Variants in DOK6 observed in about 807,000 individuals in gnomAD.
The protein encoded by DOK6 is docking protein 6, also known as downstream of tyrosine kinase 6.
A neutral mutation model predicts 44.0 loss-of-function variants in DOK6; 22 were observed. That is an observed-to-expected ratio of 0.50 (90% CI 0.36 to 0.71). The LOEUF is 0.71. Ranked by LOEUF, DOK6 falls within the 30% of genes least tolerant of loss-of-function variation. The pLI, the probability that DOK6 is intolerant of heterozygous loss-of-function variation, is 0.00. For synonymous variants in DOK6, 166 were observed against 145.5 expected (o/e 1.14, Z -1.01); for missense variants, 340 against 416.4 (o/e 0.82, Z 1.60).
chr18:69,402,217 G>A (rs1916116276), intron 1 of DOK6, among the ~76,000 whole-genome samples: 2 of 152,184 alleles, frequency 1.3e-5, no homozygotes, highest in South Asian at 4.2e-4. Context: ...AGAAAAGCGA[G>A]GGGAAACTCG....
At chr18:69,653,209 A>C (rs2144664677) in intron 3 of DOK6, among the ~76,000 whole-genome samples, 1 of 152,230 alleles carries the variant, frequency 6.6e-6, no homozygotes, top group African/African-American at 2.4e-5. Context: ...AGCGTTTGCC[A>C]ATTCGTAAGT....
chr18:69,688,747 C>A (rs184120690), intron 4 of DOK6, among the ~76,000 whole-genome samples: 2 of 152,308 alleles, frequency 1.3e-5, no homozygotes, highest in African/African-American at 4.8e-5. Flanking sequence ...GTCTCGAACT[C>A]TTGACCTCAA....
At chr18:69,509,887 G>A (rs138713358) in intron 1 of DOK6, among the ~76,000 whole-genome samples, 387 of 152,286 alleles carry the variant, frequency 2.5e-3, no homozygotes, top group African/African-American at 9.0e-3. Context: ...TTATGCAAGA[G>A]CAAATGGATG....
At chr18:69,804,900 C>T (rs1366212043) in intron 7 of DOK6, among the ~76,000 whole-genome samples, 9 of 152,136 alleles carry the variant, frequency 5.9e-5, no homozygotes, top group South Asian at 2.1e-4. Flanking sequence ...ACTTTGGTGA[C>T]GAGTATCTAC....
At chr18:69,811,833 G>C (rs1397237770) in intron 7 of DOK6, among the ~76,000 whole-genome samples, 2 of 151,840 alleles carry the variant, frequency 1.3e-5, no homozygotes, top group Non-Finnish European at 2.9e-5. Context: ...AGGAACCTCA[G>C]ATCTCCTGAT....
intron 7 of DOK6, among the ~76,000 whole-genome samples, chr18:69,764,906 G>A (rs535178662): frequency 8.5e-5 from 13 of 152,212 alleles, no homozygotes; most frequent in South Asian, 4.1e-4. Flanking sequence ...CTGTATATCT[G>A]TAATTAAGCT....
intron 7 of DOK6, among the ~76,000 whole-genome samples, chr18:69,800,216 T>C (rs893546342): frequency 6.6e-6 from 1 of 152,142 alleles, no homozygotes; most frequent in Non-Finnish European, 1.5e-5. Flanking sequence ...ATTTTAATAT[T>C]TTCCTTTAGA....
intron 1 of DOK6, among the ~76,000 whole-genome samples, chr18:69,406,723 G>A (rs1343250712): frequency 6.6e-6 from 1 of 152,190 alleles, no homozygotes; most frequent in African/African-American, 2.4e-5. Context: ...TTCCTTAAAT[G>A]TCTTTCAAAC....
At chr18:69,601,728 C>A (rs1983877541) in intron 3 of DOK6, among the ~76,000 whole-genome samples, 1 of 152,148 alleles carries the variant, frequency 6.6e-6, no homozygotes, top group African/African-American at 2.4e-5. Context: ...CCAAGTACAC[C>A]TAGCATCCAG....
intron 1 of DOK6, among the ~76,000 whole-genome samples, chr18:69,401,881 C>T (rs1436102941): frequency 1.3e-5 from 2 of 152,134 alleles, no homozygotes; most frequent in Non-Finnish European, 2.9e-5. Flanking sequence ...CCCGCGCCCG[C>T]GTGCAGGCAG....
chr18:69,589,601 A>G (rs1465128524), intron 2 of DOK6, among the ~76,000 whole-genome samples: 4 of 152,160 alleles, frequency 2.6e-5, no homozygotes, highest in African/African-American at 9.6e-5. Flanking sequence ...AAAGCTAATA[A>G]TTATAGTAAA....
rs532323047 is a variant in DOK6, at chr18:69,722,087, A to G, written c.600-16878A>G. On this transcript the variant is annotated intron_variant, in intron 5 of 7. Coordinates refer to ENST00000382713, the MANE Select transcript of DOK6 (RefSeq NM_152721.6). ...GTGGTGTTATTTCCAACCTCTTTTC[A>G]ATGGAAATCTTAATTCCATATTATA... Among the ~76,000 whole-genome samples, 43 of 152,350 alleles carry G rather than the reference A, an allele frequency of 2.8e-4. 1 individual carries two copies. Among genetic ancestry groups the G allele is most frequent in the African/African-American group, 8.4e-4 (35 of 41,580 alleles).
At chr18:69,441,424 C>T (rs899350640) in intron 1 of DOK6, among the ~76,000 whole-genome samples, 8 of 152,050 alleles carry the variant, frequency 5.3e-5, no homozygotes, top group African/African-American at 1.9e-4. Flanking sequence ...CATTAGGAGA[C>T]TAGAGAAGAT....
intron 1 of DOK6, among the ~76,000 whole-genome samples, chr18:69,545,516 CAAAAA>C (rs397760145): frequency 2.9e-5 from 2 of 69,578 alleles, no homozygotes; most frequent in Non-Finnish European, 7.2e-5. Flanking sequence ...AGTGAAATAC[CAAAAA>C]AAAAAAAAAA....
intron 5 of DOK6, among the ~76,000 whole-genome samples, chr18:69,738,634 T>C (rs933556925): frequency 1.3e-5 from 2 of 152,254 alleles, no homozygotes; most frequent in Non-Finnish European, 2.9e-5. Flanking sequence ...GTCTATGTCA[T>C]AATGGCAGAT....
intron 1 of DOK6, among the ~76,000 whole-genome samples, chr18:69,414,893 A>C (rs1978322063): frequency 6.6e-6 from 1 of 152,146 alleles, no homozygotes; most frequent in East Asian, 1.9e-4. Flanking sequence ...GGGCACAATT[A>C]TAGTGGAAGT....
At chr18:69,647,058 C>CGTAT (rs1555719737) in intron 3 of DOK6, among the ~76,000 whole-genome samples, 6 of 126,364 alleles carry the variant, frequency 4.7e-5, no homozygotes, top group African/African-American at 1.2e-4. Context: ...ATCTGTCTAT[C>CGTAT]CTATCTGTCT....
At chr18:69,438,225 G>T (rs544725698) in intron 1 of DOK6, among the ~76,000 whole-genome samples, 3 of 152,084 alleles carry the variant, frequency 2.0e-5, no homozygotes, top group African/African-American at 7.2e-5. Flanking sequence ...GTAGAACTTC[G>T]CTCACAATTG....
intron 2 of DOK6, among the ~76,000 whole-genome samples, 176 bp downstream of exon 2, chr18:69,564,770 G>T (rs751057705): frequency 6.6e-6 from 1 of 152,172 alleles, no homozygotes; most frequent in African/African-American, 2.4e-5. Flanking sequence ...GTAAATGCCA[G>T]TGCTACCTCT....
Sources: gnomAD v4.1 joint callset for allele counts (sites outside exome capture counted in the v4.1 genomes callset) on GRCh38, gnomAD v4.1.1 for gene constraint, MANE v1.5 for transcripts, NCBI Gene and HGNC (gene_info 2026-07-23, HGNC 2026-07-21) for gene names.